The following SLC9C1 variants were observed in gnomAD, a reference collection of about 807,000 sequenced individuals.
SLC9C1 encodes the protein sodium/hydrogen exchanger 10.
In SLC9C1, 97 loss-of-function variants were observed where a neutral mutation model predicts 140.9. That is an observed-to-expected ratio of 0.69 (90% CI 0.58 to 0.82). The LOEUF (loss-of-function observed/expected upper bound fraction) is 0.82, where lower values mean the gene tolerates loss of function less well. Ranked by LOEUF, SLC9C1 falls within the 40% of genes least tolerant of loss-of-function variation. SLC9C1 has a pLI of 0.00. For missense variants in SLC9C1, 1,340 were observed against 1,389.3 expected (o/e 0.96, Z 0.56); for synonymous variants, 440 against 442.6 (o/e 0.99, Z 0.07).
intron 26 of SLC9C1, among the ~76,000 whole-genome samples, chr3:112,158,453 TG>T (rs1404585997): frequency 1.3e-5 from 2 of 152,096 alleles, no homozygotes; most frequent in Non-Finnish European, 2.9e-5. Context: ...GCATCTCTGT[TG>T]ATCAAGGATA....
rs1252118113 is a variant in SLC9C1 at position 112,150,838 on chromosome 3, A to T, written c.3524+1019T>A. Among the ~76,000 whole-genome samples, 278 of 58,064 alleles carry T rather than the reference A, an allele frequency of 4.8e-3. 4 individuals are homozygous for T. In the East Asian group the frequency reaches 0.073, roughly 15 times the overall value. 38.1% of individuals were successfully genotyped at this position (58,064 alleles called of 152,430 possible). On this transcript the variant is annotated intron_variant, in intron 28 of 28. Transcript: ENST00000305815. ...TACATATACATATATATATATATAT[A>T]TATTTTTTTTTTTTTTTGAGATGAA...
In SLC9C1 at chr3:112,180,596, C is replaced by T; in HGVS notation, c.2716G>A (p.Gly906Arg). 1.9e-6 allele frequency: 3 copies of T among 1,613,142 alleles called. No individual in the cohort carries two copies. The highest frequency in any genetic ancestry group is 2.5e-6 in the Non-Finnish European group (3 of 1,179,728). ...DIFEEGDEPK[G>R]IYIIISGMVK... ...ATGCCTGAAATAATGATATAGATTC[C>T]TTTGGGCTCATCACCTTCTTCAAAT... Residue 906 changes from glycine (G) to arginine (R), a missense_variant, in exon 22 of 29, where the codon GGA becomes AGA. Transcript: ENST00000305815.
At chr3:112,289,316 G>A (rs1025311476) in intron 1 of SLC9C1, among the ~76,000 whole-genome samples, 6 of 152,192 alleles carry the variant, frequency 3.9e-5, no homozygotes, top group South Asian at 2.1e-4. Flanking sequence ...GAGGATCTGC[G>A]CTTTGTCTGG....
rs147067402 is a variant in SLC9C1, at chr3:112,263,060, C to T, written c.1061G>A (p.Arg354Gln). Residue 354 changes from arginine (R) to glutamine (Q), a missense_variant, in exon 10 of 29, where the codon CGA becomes CAA. By Grantham distance (43) the Arg-to-Gln change is conservative. Transcript: ENST00000305815. ...GCGCCAACTGAACTCATGACCAACT[C>T]GAGACAAAACAGGGCTTATTAAAAG... ...TLLLISPVLSRVGHEFSWRWI... is the reference protein window; with the variant it reads ...TLLLISPVLSQVGHEFSWRWI... 9.6e-5 allele frequency: 152 copies of T among 1,590,840 alleles called. No homozygotes were observed. Among genetic ancestry groups the T allele is most frequent in the South Asian group, 7.9e-4 (68 of 86,540 alleles).
chr3:112,224,775 A>G (rs943075903), intron 13 of SLC9C1, among the ~76,000 whole-genome samples: 4 of 151,870 alleles, frequency 2.6e-5, no homozygotes, highest in Non-Finnish European at 4.4e-5. Flanking sequence ...AAAAAGAGAA[A>G]GATACATAGA....
intron 12 of SLC9C1, among the ~76,000 whole-genome samples, chr3:112,235,660 T>C: frequency 6.6e-6 from 1 of 151,972 alleles, no homozygotes; most frequent in Non-Finnish European, 1.5e-5. Flanking sequence ...TCAATACTAT[T>C]AAGAGTTTTT....
At chr3:112,237,831 T>G (rs1305678278) in intron 12 of SLC9C1, among the ~76,000 whole-genome samples, 1 of 152,250 alleles carries the variant, frequency 6.6e-6, no homozygotes, top group Non-Finnish European at 1.5e-5. Flanking sequence ...GATCAGCTGT[T>G]AGTCTGATGG....
intron 15 of SLC9C1, among the ~76,000 whole-genome samples, chr3:112,212,749 C>T (rs1441354308): frequency 3.3e-5 from 5 of 152,172 alleles, no homozygotes; most frequent in African/African-American, 1.2e-4. Context: ...CTGAAAGTGA[C>T]AGGGAGAATG....
intron 5 of SLC9C1, among the ~76,000 whole-genome samples, chr3:112,277,199 A>C (rs2080238862): frequency 6.6e-6 from 1 of 152,098 alleles, no homozygotes; most frequent in African/African-American, 2.4e-5. Context: ...ATTTTTCTTA[A>C]GATACTATAC....
intron 1 of SLC9C1, among the ~76,000 whole-genome samples, chr3:112,292,811 G>A (rs981379956): frequency 2.6e-5 from 4 of 151,748 alleles, no homozygotes; most frequent in Admixed American, 6.6e-5. Flanking sequence ...CCAAAGTGCT[G>A]GGATTACAGG....
chr3:112,208,198 T>C lies in SLC9C1; in HGVS notation c.1966A>G (p.Ile656Val). 1.2e-6 allele frequency: 2 copies of C among 1,608,338 alleles called. No homozygotes were observed. The highest frequency in any genetic ancestry group is 1.7e-6 in the Non-Finnish European group (2 of 1,177,804). Reference protein sequence around the residue: ...HTNYCFLTLYILEALLKIAAM... With the variant: ...HTNYCFLTLYVLEALLKIAAM... ...ATTACCTTAAGTAGTGCCTCTAGAA[T>C]ATAAAGTGTAAGAAAACAGTAGTTA... is the stretch of plus-strand genomic sequence containing the variant. The change falls in exon 16 of 29, where the codon ATT becomes GTT. Residue 656 changes from isoleucine (I) to valine (V), a missense_variant. Transcript: ENST00000305815.
intron 15 of SLC9C1, among the ~76,000 whole-genome samples, chr3:112,212,402 T>A (rs936483983): frequency 3.9e-5 from 6 of 152,104 alleles, no homozygotes; most frequent in African/African-American, 1.4e-4. Flanking sequence ...ATGATCAAAC[T>A]TCTCCGAGCT....
intron 13 of SLC9C1, among the ~76,000 whole-genome samples, chr3:112,227,040 T>TGTTG (rs1378782706): frequency 6.6e-6 from 1 of 152,004 alleles, no homozygotes; most frequent in African/African-American, 2.4e-5. Context: ...TACAGACTAT[T>TGTTG]ATGAACAACT....
intron 15 of SLC9C1, among the ~76,000 whole-genome samples, 161 bp downstream of exon 15, chr3:112,217,281 C>G (rs970355925): frequency 6.6e-6 from 1 of 152,152 alleles, no homozygotes; most frequent in Non-Finnish European, 1.5e-5. Flanking sequence ...ATGAAGCACA[C>G]CAACGTGTCA....
intron 23 of SLC9C1, among the ~76,000 whole-genome samples, chr3:112,173,080 T>A (rs1029894888): frequency 6.6e-6 from 1 of 152,122 alleles, no homozygotes; most frequent in Admixed American, 6.5e-5. Context: ...GGAAAGCTTT[T>A]TTTCCTCCTT....
intron 22 of SLC9C1, among the ~76,000 whole-genome samples, chr3:112,180,144 A>G (rs192930574): frequency 3.6e-4 from 55 of 152,350 alleles, no homozygotes; most frequent in Non-Finnish European, 6.5e-4. Context: ...AAAAGAAACT[A>G]TGCAGTTCTT....
intron 19 of SLC9C1, 130 bp downstream of exon 19, chr3:112,200,581 G>T: frequency 1.4e-6 from 1 of 714,890 alleles, no homozygotes; most frequent in Non-Finnish European, 2.4e-6. Flanking sequence ...ATTGATTGTT[G>T]AGGTTACTCA....
At chr3:112,142,358 A>T (rs2074654319) in intron 28 of SLC9C1, among the ~76,000 whole-genome samples, 1 of 152,178 alleles carries the variant, frequency 6.6e-6, no homozygotes, top group South Asian at 2.1e-4. Flanking sequence ...TGAATTGCTT[A>T]TTCATAAGTT....
intron 28 of SLC9C1, among the ~76,000 whole-genome samples, chr3:112,141,813 A>C (rs529445784): frequency 6.6e-6 from 1 of 152,234 alleles, no homozygotes; most frequent in Non-Finnish European, 1.5e-5. Context: ...TCATCCTTCT[A>C]ATTCCATAAT....
Sources: gnomAD v4.1 joint callset for allele counts (sites outside exome capture counted in the v4.1 genomes callset) on GRCh38, gnomAD v4.1.1 for gene constraint, MANE v1.5 for transcripts, NCBI Gene and HGNC (gene_info 2026-07-23, HGNC 2026-07-21) for gene names.